Variants in SNRPN observed in about 807,000 individuals in gnomAD.
SNRPN encodes small nuclear ribonucleoprotein-associated protein N.
In SNRPN, 7 loss-of-function variants were observed where a neutral mutation model predicts 25.2. The ratio of observed to expected loss-of-function variants is 0.28; its 90% CI spans 0.16 to 0.52. SNRPN has a LOEUF of 0.52. Among genes scored for constraint, SNRPN ranks in the 20% least tolerant of loss-of-function variants. The pLI is 0.96. For synonymous variants in SNRPN, 124 were observed against 110.6 expected (o/e 1.12, Z -0.76); for missense variants, 196 against 322.5 (o/e 0.61, Z 3.00).
intron 1 of SNRPN, among the ~76,000 whole-genome samples, chr15:24,872,844 C>T (rs1236572266): frequency 9.9e-6 from 1 of 101,160 alleles, no homozygotes; most frequent in Non-Finnish European, 2.1e-5. Flanking sequence ...TGCACTCCAG[C>T]CTGGGTGACA....
At chr15:24,903,807 C>T (rs147484182) in intron 2 of SNRPN, among the ~76,000 whole-genome samples, 3 of 152,160 alleles carry the variant, frequency 2.0e-5, no homozygotes, top group East Asian at 3.9e-4. Flanking sequence ...CAGAGAGGGG[C>T]GGATCACTTG....
intron 2 of SNRPN, among the ~76,000 whole-genome samples, chr15:24,838,034 TA>T (rs1205700894): frequency 1.5e-5 from 2 of 129,524 alleles, no homozygotes; most frequent in African/African-American, 5.4e-5. Context: ...ACTCTTTATT[TA>T]TTTATTTTTT....
At chr15:24,824,191 C>G (rs762894266) in intron 1 of SNRPN, among the ~76,000 whole-genome samples, 3 of 152,052 alleles carry the variant, frequency 2.0e-5, no homozygotes, top group African/African-American at 4.8e-5. Context: ...AATTTACTTA[C>G]AATCGCAGGC....
At position 24,976,428 on chromosome 15, in the gene SNRPN, G is replaced by A. The variant is rs1484239079; in HGVS notation, c.267+12G>A. ...CACCCCCCAAAGATGTAAGGAAGAT[G>A]TAGGGCAGGACAGAACTTTAATTTG... On this transcript the variant is annotated intron_variant, in intron 6 of 9. Coordinates refer to ENST00000390687, the MANE Select transcript of SNRPN (RefSeq NM_003097.6). 1 of 1,552,372 alleles carries A rather than the reference G, an allele frequency of 6.4e-7. No individual in the cohort carries two copies. Among genetic ancestry groups the A allele is most frequent in the Non-Finnish European group, 8.9e-7 (1 of 1,126,202 alleles).
intron 2 of SNRPN, chr15:24,850,990 T>C (rs2052767719): frequency 6.6e-6 from 1 of 151,784 alleles, no homozygotes; most frequent in Non-Finnish European, 1.5e-5. Flanking sequence ...GCATATACAC[T>C]GTTCACTGCA....
At chr15:24,898,286 G>A (rs1402192853) in intron 2 of SNRPN, among the ~76,000 whole-genome samples, 2 of 152,150 alleles carry the variant, frequency 1.3e-5, no homozygotes, top group African/African-American at 2.4e-5. Context: ...CGGCCTCATT[G>A]GCATATAAGT....
intron 2 of SNRPN, among the ~76,000 whole-genome samples, chr15:24,840,821 C>T (rs1300499597): frequency 6.6e-6 from 1 of 152,120 alleles, no homozygotes; most frequent in African/African-American, 2.4e-5. Flanking sequence ...CTAAACTGGG[C>T]TGTTACATTG....
intron 2 of SNRPN, among the ~76,000 whole-genome samples, chr15:24,901,135 G>A (rs1169294520): frequency 6.6e-6 from 1 of 152,054 alleles, no homozygotes; most frequent in Non-Finnish European, 1.5e-5. Context: ...TAGTTCTCCT[G>A]GTAGAGATCT....
At chr15:24,902,983 A>C (rs2058564352) in intron 2 of SNRPN, among the ~76,000 whole-genome samples, 2 of 152,184 alleles carry the variant, frequency 1.3e-5, no homozygotes, top group Admixed American at 1.3e-4. Flanking sequence ...TTCATTTTAC[A>C]GAGTGCTGAC....
At chr15:24,854,271 G>A (rs2053172666), upstream of SNRPN, among the ~76,000 whole-genome samples, 1 of 152,134 alleles carries the variant, frequency 6.6e-6, no homozygotes, top group Admixed American at 6.5e-5. Context: ...TCCACTAACT[G>A]TAGGGGACAA....
rs58157427 is a variant in SNRPN, at chr15:24,857,636, G to A, written c.-579+920G>A. On this transcript the variant is annotated intron_variant, in intron 1 of 11. Transcript: ENST00000400097. ...TTTAACACCTTTGTATTGGTCATCT[G>A]GGTCGATGTCTATTGTTTAGGCTCA... Among the ~76,000 whole-genome samples the A allele has an allele frequency of 2.6e-5, 4 of 151,570 alleles. No homozygotes were observed. In the East Asian group the frequency reaches 7.8e-4, roughly 30 times the overall value.
chr15:24,976,775 A>G (rs2077110431), intron 6 of SNRPN, 102 bp from the exon 7 acceptor site: 3 of 988,916 alleles, frequency 3.0e-6, no homozygotes, highest in Non-Finnish European at 4.7e-6. Context: ...AATATGAGAT[A>G]GGTGTCATGG....
intron 1 of SNRPN, among the ~76,000 whole-genome samples, chr15:24,875,776 G>A (rs561185891): frequency 1.8e-4 from 28 of 152,160 alleles, no homozygotes; most frequent in Non-Finnish European, 3.2e-4. Context: ...ATTTTAGGCC[G>A]GGTGCGGTAG....
intron 1 of SNRPN, among the ~76,000 whole-genome samples, chr15:24,861,347 T>A (rs1239042929): frequency 6.6e-6 from 1 of 152,172 alleles, no homozygotes; most frequent in Non-Finnish European, 1.5e-5. Flanking sequence ...CTATAAGCAA[T>A]TGTAACACAA....
At chr15:24,870,197 G>A (rs2054959511) in intron 1 of SNRPN, among the ~76,000 whole-genome samples, 1 of 152,012 alleles carries the variant, frequency 6.6e-6, no homozygotes, top group East Asian at 1.9e-4. Flanking sequence ...CCCAAGCCTG[G>A]TACCCATCAT....
At chr15:24,903,632 T>C (rs909866630) in intron 2 of SNRPN, among the ~76,000 whole-genome samples, 1 of 152,106 alleles carries the variant, frequency 6.6e-6, no homozygotes, top group African/African-American at 2.4e-5. Context: ...AACCATCCGG[T>C]ATCAAGAAAA....
chr15:24,844,159 T>C (rs1341013534), intron 2 of SNRPN, among the ~76,000 whole-genome samples: 1 of 151,980 alleles, frequency 6.6e-6, no homozygotes, highest in Non-Finnish European at 1.5e-5. Context: ...TGTTTGTGTG[T>C]GCGCATGAGT....
intron 1 of SNRPN, among the ~76,000 whole-genome samples, chr15:24,826,321 C>G (rs1053620892): frequency 6.6e-6 from 1 of 152,070 alleles, no homozygotes; most frequent in Non-Finnish European, 1.5e-5. Flanking sequence ...ACACAAAACT[C>G]TCCAAAAGTC....
At chr15:24,839,213 C>T (rs1228860234) in intron 2 of SNRPN, among the ~76,000 whole-genome samples, 2 of 151,956 alleles carry the variant, frequency 1.3e-5, no homozygotes, top group Non-Finnish European at 2.9e-5. Flanking sequence ...GTTGCTTTGG[C>T]TGTTCCATTG....
Sources: gnomAD v4.1 joint callset for allele counts (sites outside exome capture counted in the v4.1 genomes callset) on GRCh38, gnomAD v4.1.1 for gene constraint, MANE v1.5 for transcripts, NCBI Gene and HGNC (gene_info 2026-07-23, HGNC 2026-07-21) for gene names.